The following ENKUR variants were observed in gnomAD, a reference collection of about 807,000 sequenced individuals.
ENKUR encodes the protein enkurin, TRPC channel interacting protein.
ENKUR carries 19 observed loss-of-function variants against 27.6 expected under a neutral mutation model. The ratio of observed to expected loss-of-function variants is 0.69; its 90% CI spans 0.48 to 1.01. The LOEUF (loss-of-function observed/expected upper bound fraction) is 1.01. Ranked by LOEUF, ENKUR falls within the 50% of genes least tolerant of loss-of-function variation. The pLI is 0.00. For synonymous variants in ENKUR, 117 were observed against 96.9 expected (o/e 1.21, Z -1.22); for missense variants, 312 against 310.5 (o/e 1.00, Z -0.04).
chr10:25,001,511 T>C (rs1850189270), intron 1 of ENKUR, among the ~76,000 whole-genome samples: 2 of 152,268 alleles, frequency 1.3e-5, no homozygotes, highest in Admixed American at 6.5e-5. Flanking sequence ...ATTCTTTGAC[T>C]GCTTGATATT....
In ENKUR at chr10:25,055,890, T is replaced by C. The variant is rs192858952; in HGVS notation, c.37+5222A>G. On this transcript the variant is annotated intron_variant, in intron 2 of 5. Coordinates refer to the ENKUR transcript ENST00000615958. ...ACTGATGCAACTCCAGCCTGCCAGG[T>C]ATGAAGAAGGCTATGAAATTCTTCT... Among the ~76,000 whole-genome samples, 8 of 152,272 alleles carry C rather than the reference T, an allele frequency of 5.3e-5. No individual in the cohort carries two copies. The East Asian group carries it at 1.3e-3, about 26-fold the overall frequency.
upstream of ENKUR, among the ~76,000 whole-genome samples, chr10:25,019,440 C>T (rs1441226915): frequency 6.6e-6 from 1 of 152,182 alleles, no homozygotes; most frequent in Non-Finnish European, 1.5e-5. Context: ...TGCCACTGCA[C>T]TCCTGCCTGG....
intron 5 of ENKUR, 61 bp downstream of exon 5, chr10:24,984,674 TA>T (rs1849741678): frequency 2.7e-6 from 4 of 1,470,822 alleles, no homozygotes; most frequent in Admixed American, 2.4e-5. Flanking sequence ...TGGAGTTTTT[TA>T]TATTTTCCAT....
chr10:25,016,239 T>C (rs893922800), upstream of ENKUR: 3 of 1,034,268 alleles, frequency 2.9e-6, no homozygotes, highest in African/African-American at 1.7e-5. Flanking sequence ...CTTCCCTCTT[T>C]CTGCAGCGCC....
At chr10:24,999,356 CT>C in intron 2 of ENKUR, 44 bp downstream of exon 2, 1 of 1,540,860 alleles carries the variant, frequency 6.5e-7, no homozygotes, top group African/African-American at 1.4e-5. Context: ...GTTAAATCAC[CT>C]GCTAATGCTT....
At chr10:25,028,776 A>AAGGTGAG (rs541546748) in intron 2 of ENKUR, among the ~76,000 whole-genome samples, 185 of 152,278 alleles carry the variant, frequency 1.2e-3, no homozygotes, top group African/African-American at 4.3e-3. Flanking sequence ...ACCTCACCCA[A>AAGGTGAG]TGGAACACAA....
In ENKUR at chr10:25,011,477, T is replaced by C. The variant is rs1011283340; in HGVS notation, c.77+4383A>G. Among the ~76,000 whole-genome samples, 21 of 152,290 alleles carry C rather than the reference T, an allele frequency of 1.4e-4. No homozygotes were observed. The East Asian group carries it at 4.1e-3, about 29-fold the overall frequency. ...ATACAAACCTGAGAAAAACAAGCAA[T>C]AGGGAAAGGATTCCCTATTTAATAA... On this transcript the variant is annotated intron_variant, in intron 1 of 5. Transcript: ENST00000331161.
intron 2 of ENKUR, chr10:25,021,702 C>G (rs1850722663): frequency 6.6e-6 from 1 of 152,110 alleles, no homozygotes; most frequent in South Asian, 2.1e-4. Context: ...TTATGATACT[C>G]TATACAGTTA....
exon 2 of ENKUR, chr10:25,061,168 C>T: frequency 6.5e-7 from 1 of 1,536,010 alleles, no homozygotes; most frequent in South Asian, 1.2e-5. Flanking sequence ...TGAACAATCT[C>T]CATAAGAAGT....
Position 25,016,062 on chromosome 10 carries a change from C to G in ENKUR, c.-126G>C. On this transcript the variant is annotated 5_prime_UTR_variant, in exon 1 of 6. Coordinates refer to ENST00000331161, the MANE Select transcript of ENKUR (RefSeq NM_145010.4). ...CGCCTTCTGAAGGACCACAGGTTCT[C>G]TCCTTCACATCGTCCCCCTTTAACC... The G allele has an allele frequency of 7.0e-7, 1 of 1,428,728 alleles. No homozygotes were observed. The highest frequency in any genetic ancestry group is 1.4e-5 in the African/African-American group (1 of 69,660). The allele number at this position is 1,428,728 out of a possible 1,614,324, so 88.5% of individuals were successfully genotyped here.
intron 2 of ENKUR, among the ~76,000 whole-genome samples, chr10:25,053,914 G>T (rs1851216443): frequency 6.6e-6 from 1 of 152,158 alleles, no homozygotes; most frequent in Admixed American, 6.5e-5. Context: ...TATGGTTGGA[G>T]CCCCCAAGCA....
intron 1 of ENKUR, among the ~76,000 whole-genome samples, chr10:25,008,702 T>A (rs1388062841): frequency 2.0e-5 from 3 of 152,210 alleles, no homozygotes; most frequent in African/African-American, 7.2e-5. Flanking sequence ...GTGTGGCGAT[T>A]CCTCAGGGAT....
chr10:25,034,032 C>G (rs1339456438), intron 2 of ENKUR, among the ~76,000 whole-genome samples: 1 of 151,480 alleles, frequency 6.6e-6, no homozygotes, highest in Non-Finnish European at 1.5e-5. Context: ...TACCAACAAA[C>G]ATTCATGACT....
chr10:25,052,003 A>G (rs1218269716), intron 2 of ENKUR, among the ~76,000 whole-genome samples: 1 of 152,238 alleles, frequency 6.6e-6, no homozygotes, highest in Non-Finnish European at 1.5e-5. Flanking sequence ...TTGTTTTAAT[A>G]GAAAAAAATT....
At chr10:25,056,075 T>C (rs1588687220) in intron 2 of ENKUR, among the ~76,000 whole-genome samples, 1 of 152,330 alleles carries the variant, frequency 6.6e-6, no homozygotes, top group East Asian at 1.9e-4. Flanking sequence ...CTTTATCTCC[T>C]TCAAGATATT....
At chr10:24,990,713 A>G in intron 3 of ENKUR, 104 bp from the exon 4 acceptor site, 1 of 1,184,746 alleles carries the variant, frequency 8.4e-7, no homozygotes, top group Non-Finnish European at 1.2e-6. Context: ...TACAGACTAA[A>G]TCCTTTGTTC....
In ENKUR at chr10:25,033,820, T is replaced by C. The variant is rs942313141; in HGVS notation, c.37+27292A>G. On this transcript the variant is annotated intron_variant, in intron 2 of 5. Coordinates refer to the ENKUR transcript ENST00000615958. ...TAGTATGTATGTATGTATGTGTGTG[T>C]GTGTGTCTATCTATCTATCTATCTA... is the stretch of plus-strand genomic sequence containing the variant. Among the ~76,000 whole-genome samples the C allele has an allele frequency of 4.2e-5, 6 of 141,204 alleles. 1 individual carries two copies. In the East Asian group the frequency reaches 1.3e-3, roughly 30 times the overall value. 92.6% of individuals were successfully genotyped at this position (141,204 alleles called of 152,430 possible).
intron 2 of ENKUR, among the ~76,000 whole-genome samples, chr10:25,051,081 A>G (rs1033056467): frequency 2.6e-5 from 4 of 151,336 alleles, no homozygotes; most frequent in African/African-American, 9.7e-5. Context: ...GGAACTTACA[A>G]GTTTCTGCAC....
chr10:25,029,204 A>AT (rs1387018136), intron 2 of ENKUR, among the ~76,000 whole-genome samples: 1 of 152,170 alleles, frequency 6.6e-6, no homozygotes, highest in South Asian at 2.1e-4. Flanking sequence ...ATGTAAAACC[A>AT]TTTTTTATGT....
Sources: gnomAD v4.1 joint callset for allele counts (sites outside exome capture counted in the v4.1 genomes callset) on GRCh38, gnomAD v4.1.1 for gene constraint, MANE v1.5 for transcripts, NCBI Gene and HGNC (gene_info 2026-07-23, HGNC 2026-07-21) for gene names.